ZBBX: variants seen among roughly 807,000 people sequenced by gnomAD.
ZBBX encodes zinc finger B-box domain-containing protein 1.
A neutral mutation model predicts 108.5 loss-of-function variants in ZBBX; 101 were observed. The observed-to-expected ratio is 0.93, with a 90% CI of 0.79 to 1.10. The LOEUF is 1.10. ZBBX is among the 50% of genes least tolerant of loss of function. ZBBX has a pLI of 0.00. For synonymous variants in ZBBX, 356 were observed against 323.4 expected, an observed-to-expected ratio of 1.10 and a Z score of -1.08; for missense variants, 1,009 against 941.4, an observed-to-expected ratio of 1.07 and a Z score of -0.94.
At position 167,368,552 on chromosome 3, in the gene ZBBX, C is replaced by T; in HGVS notation, c.91G>A (p.Glu31Lys). 1.9e-6 allele frequency: 3 copies of T among 1,609,516 alleles called. No homozygotes were observed. The South Asian group carries it at 3.3e-5, about 18-fold the overall frequency. Residue 31 changes from glutamate (E) to lysine (K), a missense_variant, in exon 5 of 22, where the codon GAG (glutamate) becomes AAG (lysine). Physicochemically the swap from Glu to Lys is moderately conservative, Grantham distance 56. Transcript: ENST00000675490. Reference protein sequence around the residue: ...KYRNAQELRMEKVQLEFENQE... With the variant: ...KYRNAQELRMKKVQLEFENQE... The stretch of plus-strand genomic sequence containing the variant: ...TTCTCAAACTCTAACTGTACTTTCT[C>T]CATTCGCAGTTCTTGAGCATTTCTG...
chr3:167,205,875 G>A, the ZBBX span, among the ~76,000 whole-genome samples: 1 of 151,926 alleles, frequency 6.6e-6, no homozygotes, highest in Non-Finnish European at 1.5e-5. Flanking sequence ...GTTAGATTGG[G>A]CAGTTAGAGT....
At chr3:167,302,757 T>A (rs895492417) in intron 17 of ZBBX, among the ~76,000 whole-genome samples, 5 of 152,102 alleles carry the variant, frequency 3.3e-5, no homozygotes, top group African/African-American at 9.7e-5. Context: ...TGCCAGAGTA[T>A]CATCATTTGC....
intron 4 of ZBBX, chr3:167,368,890 G>A (rs566437266): frequency 1.5e-5 from 4 of 262,486 alleles, no homozygotes; most frequent in African/African-American, 4.6e-5. Flanking sequence ...AACAGAAAAC[G>A]AAATAAAAAT....
At chr3:167,225,095 G>A in the ZBBX span, among the ~76,000 whole-genome samples, 1 of 151,802 alleles carries the variant, frequency 6.6e-6, no homozygotes, top group East Asian at 1.9e-4. Flanking sequence ...AAAGGACAAA[G>A]GCAGTAAATT....
chr3:167,280,227 C>T (rs892730660), intron 20 of ZBBX, among the ~76,000 whole-genome samples: 2 of 151,320 alleles, frequency 1.3e-5, no homozygotes, highest in African/African-American at 4.9e-5. Context: ...GCAATGGCAA[C>T]AACAGCCAAA....
At chr3:167,181,833 A>T in the ZBBX span, among the ~76,000 whole-genome samples, 1 of 152,092 alleles carries the variant, frequency 6.6e-6, no homozygotes, top group Non-Finnish European at 1.5e-5. Context: ...AAGTAATCCT[A>T]CTGTCCCCGC....
At chr3:167,217,891 A>AT in the ZBBX span, among the ~76,000 whole-genome samples, 55,402 of 141,734 alleles carry the variant, frequency 0.39, 11,619 homozygotes, top group East Asian at 0.72. Context: ...TGTTCTCACT[A>AT]TTTTTTTTTT....
At chr3:167,276,038 G>A (rs1258704491) in intron 20 of ZBBX, among the ~76,000 whole-genome samples, 15 of 152,042 alleles carry the variant, frequency 9.9e-5, no homozygotes, top group South Asian at 4.1e-4. Flanking sequence ...TCACACGGCC[G>A]GGTACTCCAA....
intron 20 of ZBBX, among the ~76,000 whole-genome samples, chr3:167,244,649 G>A (rs190799510): frequency 2.8e-3 from 427 of 152,262 alleles, no homozygotes; most frequent in Non-Finnish European, 4.4e-3. Context: ...CCTATTGTAG[G>A]TTAGTGTTAA....
intron 8 of ZBBX, among the ~76,000 whole-genome samples, chr3:167,357,518 G>T (rs368987671): frequency 1.2e-4 from 18 of 152,146 alleles, no homozygotes; most frequent in African/African-American, 3.6e-4. Context: ...ACACCCAAAA[G>T]AACTGAAAGC....
At chr3:167,386,143 A>G (rs1220297570) in intron 1 of ZBBX, among the ~76,000 whole-genome samples, 1 of 152,084 alleles carries the variant, frequency 6.6e-6, no homozygotes, top group Non-Finnish European at 1.5e-5. Context: ...GAAAGAAAGG[A>G]TAAAAGGTAA....
intron 16 of ZBBX, among the ~76,000 whole-genome samples, chr3:167,310,546 G>A (rs1273745364): frequency 6.6e-6 from 1 of 152,108 alleles, no homozygotes; most frequent in Non-Finnish European, 1.5e-5. Flanking sequence ...TATAATCATG[G>A]CAGAAGGTGA....
At chr3:167,326,848 T>A (rs1282795423) in intron 11 of ZBBX, among the ~76,000 whole-genome samples, 1 of 152,010 alleles carries the variant, frequency 6.6e-6, no homozygotes, top group East Asian at 1.9e-4. Flanking sequence ...ACTTTGAGAT[T>A]AGAAATTACA....
At chr3:167,305,119 T>C (rs1290891086) in intron 17 of ZBBX, among the ~76,000 whole-genome samples, 2 of 152,090 alleles carry the variant, frequency 1.3e-5, no homozygotes, top group Non-Finnish European at 2.9e-5. Flanking sequence ...ATGGTAACAA[T>C]GCAATAATGA....
At chr3:167,393,830 G>A (rs1014492239) in intron 1 of ZBBX, among the ~76,000 whole-genome samples, 13 of 151,880 alleles carry the variant, frequency 8.6e-5, no homozygotes, top group Admixed American at 2.0e-4. Flanking sequence ...AGCTAAAGCC[G>A]CGTAACCTTT....
At chr3:167,397,142 T>TGAAAAAAAA (rs1748261375) in intron 1 of ZBBX, among the ~76,000 whole-genome samples, 1 of 72,428 alleles carries the variant, frequency 1.4e-5, no homozygotes, top group Non-Finnish European at 2.7e-5. Flanking sequence ...TTCTTGGTGG[T>TGAAAAAAAA]AAAAAAAAAA....
At chr3:167,335,178 GA>G (rs1484919083) in intron 9 of ZBBX, among the ~76,000 whole-genome samples, 2 of 151,622 alleles carry the variant, frequency 1.3e-5, no homozygotes, top group African/African-American at 2.4e-5. Flanking sequence ...CTCACAAAAG[GA>G]AAAAACATAT....
intron 5 of ZBBX, among the ~76,000 whole-genome samples, chr3:167,366,252 T>C (rs573750824): frequency 2.6e-5 from 4 of 152,004 alleles, no homozygotes; most frequent in South Asian, 4.1e-4. Context: ...TCACAATGAC[T>C]AAAGATAGCT....
downstream of ZBBX, among the ~76,000 whole-genome samples, chr3:167,237,769 A>C (rs1431072003): frequency 2.0e-5 from 3 of 151,892 alleles, no homozygotes; most frequent in Non-Finnish European, 4.4e-5. Flanking sequence ...TCAAATGACA[A>C]TTTTTTTATC....
Sources: gnomAD v4.1 joint callset for allele counts (sites outside exome capture counted in the v4.1 genomes callset) on GRCh38, gnomAD v4.1.1 for gene constraint, MANE v1.5 for transcripts, NCBI Gene and HGNC (gene_info 2026-07-23, HGNC 2026-07-21) for gene names.